The following SPATA2 variants were observed in gnomAD, a reference collection of about 807,000 sequenced individuals.
SPATA2 encodes spermatogenesis associated 2.
A neutral mutation model predicts 35.4 loss-of-function variants in SPATA2; 8 were observed. The observed-to-expected ratio is 0.23, with a 90% CI of 0.13 to 0.41. The LOEUF is 0.41. Ranked by LOEUF, SPATA2 falls within the 10% of genes least tolerant of loss-of-function variation. The pLI is 1.00. For synonymous variants in SPATA2, 293 were observed against 300.9 expected, an observed-to-expected ratio of 0.97 and a Z score of 0.27; for missense variants, 650 against 698.7, an observed-to-expected ratio of 0.93 and a Z score of 0.79.
At position 49,908,498 on chromosome 20, in the gene SPATA2, A is replaced by G; in HGVS notation, c.-8T>C. ...TGAACTGGGCTTCCCCATCCGATCG[A>G]GGGGGGCTACCTTATCTCCTCCATG... On this transcript the variant is annotated 5_prime_UTR_variant, in exon 2 of 3. Transcript: ENST00000289431. 1 of 1,576,978 alleles carries G rather than the reference A, an allele frequency of 6.3e-7. No homozygotes were observed.
intron 1 of SPATA2, among the ~76,000 whole-genome samples, chr20:49,914,847 C>T (rs571137855): frequency 6.6e-6 from 1 of 152,338 alleles, no homozygotes; most frequent in South Asian, 2.1e-4. Context: ...CCCCCTACGG[C>T]TTCGTGAATT....
At position 49,908,346 on chromosome 20, in the gene SPATA2, G is replaced by C. The variant is rs767155594; in HGVS notation, c.145C>G (p.Leu49Val). The C allele has an allele frequency of 4.3e-6, 7 of 1,614,258 alleles. No individual in the cohort carries two copies. The South Asian group carries it at 6.6e-5, about 15-fold the overall frequency. ...DECLRVAAST[L>V]LSLHKVDPFY... ...GGATCCACCTTGTGCAGGCTGAGCA[G>C]GGTTGAGGCTGCCACCCGCAGGCAC... is the stretch of plus-strand genomic sequence containing the variant. Residue 49 changes from leucine (L) to valine (V), a missense_variant, in exon 2 of 3, where the codon CTG (leucine) becomes GTG (valine). Leu to Val is a conservative substitution (Grantham distance 32). Coordinates refer to ENST00000289431, the MANE Select transcript of SPATA2 (RefSeq NM_006038.4).
At chr20:49,909,033 T>G (rs1345988716) in intron 1 of SPATA2, among the ~76,000 whole-genome samples, 1 of 151,904 alleles carries the variant, frequency 6.6e-6, no homozygotes. Flanking sequence ...CTCGCTTACT[T>G]TTTTTTTGAG....
rs555453352 is a variant in SPATA2 at position 49,906,953 on chromosome 20, G to GAGGGC, written c.337-113_337-109dup. The stretch of plus-strand genomic sequence containing the variant: ...CAGCTCTGAAGTGGGGCGGCGGGGA[G>GAGGGC]AGGGCAGGGCAGGGAAGGATCTCGA... On this transcript the variant is annotated intron_variant, in intron 2 of 2. Transcript: ENST00000289431. The surrounding 1 kb of genome is among the most constrained non-coding windows in gnomAD (Gnocchi z 8.2). The GAGGGC allele has an allele frequency of 9.2e-5, 117 of 1,270,308 alleles. No individual in the cohort carries two copies. In the East Asian group the frequency reaches 1.9e-3, roughly 21 times the overall value. 78.7% of individuals were successfully genotyped at this position (1,270,308 alleles called of 1,614,324 possible).
Position 49,903,867 on chromosome 20 carries a change from T to C in SPATA2, c.*1752A>G, listed in dbSNP as rs1057185505. ...AAGTTGGTTGAAATTCAGCTTAATATACACACTGTACATCTACATGTGATC... is the reference window on the plus strand; with the variant it reads ...AAGTTGGTTGAAATTCAGCTTAATACACACACTGTACATCTACATGTGATC... On this transcript the variant is annotated 3_prime_UTR_variant, in exon 3 of 3. Coordinates refer to ENST00000289431, the MANE Select transcript of SPATA2 (RefSeq NM_006038.4). 1.4e-5 allele frequency: 2 copies of C among 144,950 alleles called. No homozygotes were observed. Among genetic ancestry groups the C allele is most frequent in the Non-Finnish European group, 3.0e-5 (2 of 66,508 alleles). The allele number at this position is 144,950 out of a possible 1,614,324, so 9.0% of individuals were successfully genotyped here.
At chr20:49,915,083 T>A (rs2090202076) in intron 1 of SPATA2, among the ~76,000 whole-genome samples, 2 of 152,196 alleles carry the variant, frequency 1.3e-5, no homozygotes, top group South Asian at 4.1e-4. Flanking sequence ...AACTGCCTCG[T>A]GGCGAAATCG....
intron 1 of SPATA2, among the ~76,000 whole-genome samples, chr20:49,912,279 C>G (rs2090185998): frequency 6.6e-6 from 1 of 152,146 alleles, no homozygotes; most frequent in Non-Finnish European, 1.5e-5. Flanking sequence ...CATAGCGAAA[C>G]CCCGCCTCTA....
chr20:49,906,784 G>A lies in SPATA2; in HGVS notation c.398C>T (p.Ala133Val). Residue 133 changes from alanine to valine, a missense_variant, in exon 3 of 3, where the codon GCC (alanine) becomes GTC (valine). Transcript: ENST00000289431. The surrounding 1 kb of genome is among the most constrained non-coding windows in gnomAD (Gnocchi z 8.2). ...TGTGTAGCCCATGCAGCTCAGGATG[G>A]CTCGGATGTCCTCTTCCAGTAATGT... ...KSTLLEEDIR[A>V]ILSCMGYTPE... 2.5e-6 allele frequency: 4 copies of A among 1,613,876 alleles called. No homozygotes were observed. In the South Asian group the frequency reaches 4.4e-5, roughly 18 times the overall value.
rs568433712 is a variant in SPATA2 at position 49,905,092 on chromosome 20, C to A, written c.*527G>T. The A allele has an allele frequency of 1.5e-4, 24 of 156,206 alleles. No homozygotes were observed. Among genetic ancestry groups the A allele is most frequent in the Non-Finnish European group, 3.4e-4 (24 of 70,326 alleles). The allele number at this position is 156,206 out of a possible 1,614,324, so 9.7% of individuals were successfully genotyped here. A position where few individuals can be genotyped will look rare whatever the true frequency, so the allele number is the denominator to read the frequency against. On this transcript the variant is annotated 3_prime_UTR_variant, in exon 3 of 3. Coordinates refer to ENST00000289431, the MANE Select transcript of SPATA2 (RefSeq NM_006038.4). ...GGGGGTGGGGAGTCCAGCTGGGGAT[C>A]CTTGTGTTTAGGAAGGGGGCGGCCA... is the stretch of plus-strand genomic sequence containing the variant.
chr20:49,914,893 C>T (rs1431549008), intron 1 of SPATA2, among the ~76,000 whole-genome samples: 1 of 152,222 alleles, frequency 6.6e-6, no homozygotes, highest in East Asian at 1.9e-4. Flanking sequence ...TATTGGACGC[C>T]TGCTGTATGC....
In SPATA2 at chr20:49,908,493, G is replaced by T; in HGVS notation, c.-3C>A. The T allele has an allele frequency of 6.3e-7, 1 of 1,579,292 alleles. No individual in the cohort carries two copies. The highest frequency in any genetic ancestry group is 1.2e-5 in the South Asian group (1 of 86,684). ...TCCATTGAACTGGGCTTCCCCATCC[G>T]ATCGAGGGGGGCTACCTTATCTCCT... On this transcript the variant is annotated 5_prime_UTR_variant, in exon 2 of 3. Transcript: ENST00000289431.
chr20:49,907,006 C>T (rs988054859), intron 2 of SPATA2, among the ~76,000 whole-genome samples, 161 bp from the exon 3 acceptor site: 8 of 152,190 alleles, frequency 5.3e-5, no homozygotes, highest in African/African-American at 1.2e-4. Flanking sequence ...AGGCAGAAGA[C>T]GCAGGAGCTG....
chr20:49,906,424 G>A lies in SPATA2; in HGVS notation c.758C>T (p.Ser253Leu), dbSNP rs1241924805. The change falls in exon 3 of 3, where the codon TCA becomes TTA. Residue 253 changes from serine (S) to leucine (L), a missense_variant. Physicochemically the swap from Ser to Leu is moderately radical, Grantham distance 145. Transcript: ENST00000289431. The surrounding 1 kb of genome is among the most constrained non-coding windows in gnomAD (Gnocchi z 8.2). ...CCAGTAGCTGTCATAGGCATCCACT[G>A]ACCTCGAGGGCTTGGTCACGCGGGG... ...YKPRVTKPSR[S>L]VDAYDSYWES... 3.7e-6 allele frequency: 6 copies of A among 1,612,980 alleles called. No individual in the cohort carries two copies. The highest frequency in any genetic ancestry group is 5.1e-6 in the Non-Finnish European group (6 of 1,179,998).
At chr20:49,908,056 A>G in intron 2 of SPATA2, 99 bp downstream of exon 2, 1 of 1,204,798 alleles carries the variant, frequency 8.3e-7, no homozygotes, top group Admixed American at 2.3e-5. Flanking sequence ...CTGAGAGCAC[A>G]GGATGGATGG....
intron 1 of SPATA2, among the ~76,000 whole-genome samples, chr20:49,914,484 G>A (rs1185687416): frequency 6.6e-6 from 1 of 152,080 alleles, no homozygotes; most frequent in Non-Finnish European, 1.5e-5. Context: ...GGGGAAGTCA[G>A]TTCAACCCCC....
Position 49,905,610 on chromosome 20 carries a change from G to A in SPATA2, c.*9C>T, listed in dbSNP as rs776753861. On this transcript the variant is annotated 3_prime_UTR_variant, in exon 3 of 3. Transcript: ENST00000289431. ...TGTAGCCCTTGGAGCTGGAAGGGGC[G>A]AGGCCGGTCTATCTGTACACGAGAT... 9 of 1,613,166 alleles carry A rather than the reference G, an allele frequency of 5.6e-6. No homozygotes were observed. The highest frequency in any genetic ancestry group is 1.7e-4 in the Middle Eastern group (1 of 6,038).
chr20:49,907,084 G>C (rs942613370), intron 2 of SPATA2, among the ~76,000 whole-genome samples: 2 of 152,136 alleles, frequency 1.3e-5, no homozygotes, highest in Non-Finnish European at 2.9e-5. Context: ...TGTTTGAGAC[G>C]GAGTCTCGCT....
intron 1 of SPATA2, 76 bp from the exon 2 acceptor site, chr20:49,908,668 G>C: frequency 1.7e-6 from 1 of 599,040 alleles, no homozygotes; most frequent in South Asian, 2.1e-5. Context: ...GAGGCAAAAT[G>C]AACAGCAGAA....
At position 49,906,758 on chromosome 20, in the gene SPATA2, G is replaced by A; in HGVS notation, c.424C>T (p.Pro142Ser). The A allele has an allele frequency of 6.2e-7, 1 of 1,614,216 alleles. No homozygotes were observed. Among genetic ancestry groups the A allele is most frequent in the Non-Finnish European group, 8.5e-7 (1 of 1,180,032 alleles). ...AGCTTGTATGCAGTGCCCAGCTCAG[G>A]TGTGTAGCCCATGCAGCTCAGGATG... ...RAILSCMGYTPELGTAYKLRE... is the reference protein window; with the variant it reads ...RAILSCMGYTSELGTAYKLRE... Residue 142 changes from proline (P) to serine (S), a missense_variant, in exon 3 of 3, where the codon CCT becomes TCT. Coordinates refer to ENST00000289431, the MANE Select transcript of SPATA2 (RefSeq NM_006038.4). This position sits in a 1 kb window ranked among gnomAD's most constrained non-coding sequence, Gnocchi z 8.2.
Sources: allele counts gnomAD v4.1 joint callset (sites outside exome capture counted in the v4.1 genomes callset), GRCh38; gene constraint gnomAD v4.1.1; non-coding constraint Gnocchi (gnomAD v3.1); transcripts MANE v1.5; gene names NCBI Gene and HGNC (gene_info 2026-07-23, HGNC 2026-07-21).